The following QDPR variants were observed in gnomAD, a reference collection of about 807,000 sequenced individuals.
QDPR encodes quinoid dihydropteridine reductase.
A neutral mutation model predicts 31.7 loss-of-function variants in QDPR; 23 were observed. That is an observed-to-expected ratio of 0.73 (90% CI 0.52 to 1.03). The LOEUF (loss-of-function observed/expected upper bound fraction) is 1.03, where lower values mean the gene tolerates loss of function less well. Among genes scored for constraint, QDPR ranks in the 50% least tolerant of loss-of-function variants. The probability of loss-of-function intolerance (pLI) is 0.00; values close to 1 mark genes in which losing one functional copy is unlikely to be tolerated. For missense variants in QDPR, 324 were observed against 323.8 expected (o/e 1.00, Z 0.00); for synonymous variants, 124 against 124.7 (o/e 0.99, Z 0.03).
intron 1 of QDPR, among the ~76,000 whole-genome samples, 164 bp from the exon 2 acceptor site, chr4:17,509,527 A>AC (rs1718923091): frequency 6.6e-6 from 1 of 151,348 alleles, no homozygotes. Context: ...AGAGTTTGAG[A>AC]CCAGCCTGGG....
intron 6 of QDPR, chr4:17,490,360 T>TCATGATACAGGTC: frequency 2.6e-6 from 1 of 389,976 alleles, no homozygotes; most frequent in Non-Finnish European, 4.9e-6. Context: ...ATGATGGACC[T>TCATGATACAGGTC]CATGATACAG....
intron 4 of QDPR, among the ~76,000 whole-genome samples, chr4:17,492,921 G>A (rs1440213200): frequency 2.0e-5 from 3 of 152,082 alleles, no homozygotes; most frequent in East Asian, 1.9e-4. Flanking sequence ...GCACACAGAG[G>A]TACTCAATGG....
chr4:17,505,213 G>T (rs1718716174), intron 2 of QDPR, among the ~76,000 whole-genome samples: 1 of 146,656 alleles, frequency 6.8e-6, no homozygotes, highest in South Asian at 2.2e-4. Flanking sequence ...AATCCCAATT[G>T]CTTCATTAAG....
At chr4:17,496,141 G>A (rs1475272575) in intron 4 of QDPR, among the ~76,000 whole-genome samples, 1 of 152,090 alleles carries the variant, frequency 6.6e-6, no homozygotes. Context: ...CTCAAAAACT[G>A]TGGGAATGAA....
chr4:17,505,133 C>T (rs1459637312), intron 2 of QDPR, among the ~76,000 whole-genome samples: 1 of 151,910 alleles, frequency 6.6e-6, no homozygotes, highest in Non-Finnish European at 1.5e-5. Flanking sequence ...AAAGAACAGT[C>T]TGTCAGGACA....
In QDPR at chr4:17,490,703, C is replaced by G. The variant is rs112209600; in HGVS notation, c.588G>C (p.Glu196Asp). The G allele has an allele frequency of 7.8e-4, 1,259 of 1,614,078 alleles. 2 individuals are homozygous for G. Among genetic ancestry groups the G allele is most frequent in the Non-Finnish European group, 9.2e-4 (1,089 of 1,179,972 alleles). ...DTPMNRKSMP[E>D]ADFSSWTPLE... ...AGGGTGTCCAGGAGCTGAAGTCAGC[C>G]TCAGGCATTGATTTCCTGTTCATCG... Residue 196 changes from glutamate to aspartate, a missense_variant, in exon 6 of 7, where the codon GAG becomes GAC. By Grantham distance (45) the Glu-to-Asp change is conservative. Transcript: ENST00000281243.
intron 1 of QDPR, chr4:17,509,834 C>A: frequency 2.5e-6 from 1 of 403,568 alleles, no homozygotes; most frequent in Admixed American, 2.7e-5. Flanking sequence ...CCTCCAAACA[C>A]TCTACTCCGC....
intron 4 of QDPR, among the ~76,000 whole-genome samples, chr4:17,496,586 T>C (rs1027351818): frequency 6.6e-6 from 1 of 151,624 alleles, no homozygotes. Flanking sequence ...TATGATGAAG[T>C]GAAAAGAATA....
intron 2 of QDPR, among the ~76,000 whole-genome samples, chr4:17,508,977 T>A (rs12647416): frequency 6.6e-6 from 1 of 151,894 alleles, no homozygotes; most frequent in African/African-American, 2.4e-5. Context: ...GCCAACATGG[T>A]GAAACCCCGT....
chr4:17,490,421 T>C (rs1386503312), intron 6 of QDPR: 1 of 498,194 alleles, frequency 2.0e-6, no homozygotes, highest in African/African-American at 1.9e-5. Flanking sequence ...GCATGGCCGG[T>C]GGTGAGGGAG....
rs188408677 is a variant in QDPR, at chr4:17,507,264, C to T, written c.198+2007G>A. On this transcript the variant is annotated intron_variant, in intron 2 of 6. Coordinates refer to ENST00000281243, the MANE Select transcript of QDPR (RefSeq NM_000320.3). ...TAGCTTGTTGGCCTTGTCACTTAGT[C>T]GCGCAAACTTGTCTTCACAGCTGTA... is the stretch of plus-strand genomic sequence containing the variant. Among the ~76,000 whole-genome samples, 12 of 152,274 alleles carry T rather than the reference C, an allele frequency of 7.9e-5. No homozygotes were observed. In the East Asian group the frequency reaches 2.3e-3, roughly 29 times the overall value.
chr4:17,509,839 C>T (rs1486677291), intron 1 of QDPR: 3 of 411,692 alleles, frequency 7.3e-6, no homozygotes, highest in Non-Finnish European at 4.9e-6. Flanking sequence ...AAACACTCTA[C>T]TCCGCCTCCA....
At chr4:17,496,472 A>AAAAAAAAAG (rs1560310399) in intron 4 of QDPR, among the ~76,000 whole-genome samples, 1 of 129,864 alleles carries the variant, frequency 7.7e-6, no homozygotes, top group Non-Finnish European at 1.7e-5. Flanking sequence ...AAAAAAAAAA[A>AAAAAAAAAG]GAACAAACTG....
chr4:17,487,223 A>G lies in QDPR; in HGVS notation c.643T>C (p.Trp215Arg). 1.2e-6 allele frequency: 2 copies of G among 1,613,256 alleles called. No individual in the cohort carries two copies. The highest frequency in any genetic ancestry group is 1.7e-4 in the Middle Eastern group (1 of 6,056). The stretch of plus-strand genomic sequence containing the variant: ...CTCGGTCGGTTTTTCCCTGTGATCC[A>G]GTCATGGAAAGTTCTGGAACAGAAA... ...LEFLVETFHDWITGKNRPSSG... is the reference protein window; with the variant it reads ...LEFLVETFHDRITGKNRPSSG... The change falls in exon 7 of 7, where the codon TGG (tryptophan) becomes CGG (arginine). Residue 215 changes from tryptophan to arginine, a missense_variant. Trp to Arg is a moderately radical substitution (Grantham distance 101, BLOSUM62 -3). Coordinates refer to ENST00000281243, the MANE Select transcript of QDPR (RefSeq NM_000320.3).
At chr4:17,504,566 T>C (rs1718686308) in intron 2 of QDPR, 91 bp from the exon 3 acceptor site, 3 of 1,070,404 alleles carry the variant, frequency 2.8e-6, no homozygotes, top group Non-Finnish European at 4.3e-6. Flanking sequence ...TTTTCTCTTC[T>C]TTTTAAGCCA....
At chr4:17,497,299 A>T (rs987925660) in intron 4 of QDPR, among the ~76,000 whole-genome samples, 1 of 152,142 alleles carries the variant, frequency 6.6e-6, no homozygotes, top group Non-Finnish European at 1.5e-5. Context: ...TATTTAAATA[A>T]AAACTAATAC....
intron 4 of QDPR, among the ~76,000 whole-genome samples, chr4:17,499,077 G>C (rs1412800395): frequency 1.3e-5 from 2 of 152,176 alleles, no homozygotes; most frequent in African/African-American, 4.8e-5. Flanking sequence ...ACTTACTATT[G>C]ACTCTCTGTA....
At chr4:17,493,652 A>C (rs958111947) in intron 4 of QDPR, among the ~76,000 whole-genome samples, 28 of 152,248 alleles carry the variant, frequency 1.8e-4, no homozygotes, top group African/African-American at 6.3e-4. Context: ...GCAGGGTAGG[A>C]GAGGGGGTGG....
chr4:17,505,826 G>T (rs1180620628), intron 2 of QDPR, among the ~76,000 whole-genome samples: 3 of 152,148 alleles, frequency 2.0e-5, no homozygotes, highest in Non-Finnish European at 4.4e-5. Context: ...CTTAAGGTTG[G>T]GGGTATGGTG....
Sources: gnomAD v4.1 joint callset for allele counts (sites outside exome capture counted in the v4.1 genomes callset) on GRCh38, gnomAD v4.1.1 for gene constraint, MANE v1.5 for transcripts, NCBI Gene and HGNC (gene_info 2026-07-23, HGNC 2026-07-21) for gene names.